Variants in STK32B observed in about 807,000 individuals in gnomAD.
STK32B encodes serine/threonine kinase 32B, also known as serine/threonine-protein kinase 32B.
STK32B carries 43 observed loss-of-function variants against 52.6 expected under a neutral mutation model. The observed-to-expected ratio is 0.82, with a 90% CI of 0.64 to 1.05. STK32B has a LOEUF of 1.05. Among genes scored for constraint, STK32B ranks in the 50% least tolerant of loss-of-function variants. The probability of loss-of-function intolerance (pLI) is 0.00; values close to 1 mark genes in which losing one functional copy is unlikely to be tolerated. For missense variants in STK32B, 621 were observed against 534.6 expected (o/e 1.16, Z -1.59); for synonymous variants, 238 against 204.3 (o/e 1.17, Z -1.41).
intron 11 of STK32B, among the ~76,000 whole-genome samples, chr4:5,485,083 C>T (rs1470249841): frequency 3.3e-5 from 5 of 151,948 alleles, no homozygotes; most frequent in South Asian, 2.1e-4. Flanking sequence ...TTGCTCTTCT[C>T]GTGGAGTATC....
At chr4:5,065,267 G>A (rs527733322) in intron 1 of STK32B, among the ~76,000 whole-genome samples, 1 of 152,164 alleles carries the variant, frequency 6.6e-6, no homozygotes, top group African/African-American at 2.4e-5. Flanking sequence ...GAGGACTCTA[G>A]GAGGTATAGA....
At chr4:5,332,537 G>C (rs1732335918) in intron 4 of STK32B, among the ~76,000 whole-genome samples, 1 of 151,928 alleles carries the variant, frequency 6.6e-6, no homozygotes, top group African/African-American at 2.4e-5. Flanking sequence ...GGGTACATTT[G>C]CACAATGTGC....
intron 1 of STK32B, among the ~76,000 whole-genome samples, chr4:5,052,510 A>C (rs1290702967): frequency 6.6e-6 from 1 of 152,094 alleles, no homozygotes; most frequent in Non-Finnish European, 1.5e-5. Context: ...GTCCAACCGC[A>C]TCTCAACTTC....
At chr4:5,315,759 C>A (rs1194755419) in intron 3 of STK32B, among the ~76,000 whole-genome samples, 1 of 149,880 alleles carries the variant, frequency 6.7e-6, no homozygotes, top group Non-Finnish European at 1.5e-5. Flanking sequence ...GGCTGGAGTG[C>A]AGTGGTGCAA....
chr4:5,372,555 C>T (rs1735314750), intron 4 of STK32B, among the ~76,000 whole-genome samples: 1 of 152,144 alleles, frequency 6.6e-6, no homozygotes, highest in Non-Finnish European at 1.5e-5. Flanking sequence ...TTTCATCATA[C>T]ACTAGACCAA....
intron 6 of STK32B, among the ~76,000 whole-genome samples, chr4:5,425,636 A>C (rs757989688): frequency 6.6e-6 from 1 of 152,182 alleles, no homozygotes; most frequent in Non-Finnish European, 1.5e-5. Flanking sequence ...ATAAATATGG[A>C]GTTTGAGATG....
intron 1 of STK32B, among the ~76,000 whole-genome samples, chr4:5,108,764 A>G (rs1714242686): frequency 6.6e-6 from 1 of 152,172 alleles, no homozygotes; most frequent in African/African-American, 2.4e-5. Flanking sequence ...GAAAACCTGA[A>G]ATCTGCCGAT....
chr4:5,376,342 A>G (rs1212138973), intron 4 of STK32B, among the ~76,000 whole-genome samples: 1 of 152,140 alleles, frequency 6.6e-6, no homozygotes, highest in African/African-American at 2.4e-5. Flanking sequence ...GCAGGTGCTC[A>G]GATAGCACTG....
At chr4:5,055,482 T>G (rs6829232) in intron 1 of STK32B, among the ~76,000 whole-genome samples, 109,639 of 151,894 alleles carry the variant, frequency 0.72, 39,958 homozygotes, top group Non-Finnish European at 0.78. Flanking sequence ...CAATGCAGCA[T>G]CCAGAGTGAT....
chr4:5,375,577 A>T (rs1177056599), intron 4 of STK32B, among the ~76,000 whole-genome samples: 2 of 152,016 alleles, frequency 1.3e-5, no homozygotes, highest in Non-Finnish European at 2.9e-5. Context: ...CTTCTTTTTC[A>T]TCACATCTTC....
intron 3 of STK32B, among the ~76,000 whole-genome samples, chr4:5,177,734 G>C (rs1176623247): frequency 6.6e-6 from 1 of 152,172 alleles, no homozygotes; most frequent in African/African-American, 2.4e-5. Context: ...GCCAAAACAG[G>C]GGGGCTACAT....
intron 3 of STK32B, among the ~76,000 whole-genome samples, chr4:5,313,561 A>T (rs1015032901): frequency 1.3e-5 from 2 of 152,154 alleles, no homozygotes; most frequent in African/African-American, 4.8e-5. Context: ...GAGAAAATAG[A>T]ACTGTCTCTA....
intron 3 of STK32B, among the ~76,000 whole-genome samples, chr4:5,281,480 A>G (rs1728195180): frequency 6.6e-6 from 1 of 152,112 alleles, no homozygotes. Flanking sequence ...TAGGACAAAT[A>G]CCTAATGCGT....
intron 2 of STK32B, among the ~76,000 whole-genome samples, chr4:5,159,266 T>G (rs1270823353): frequency 6.6e-6 from 1 of 151,980 alleles, no homozygotes; most frequent in Admixed American, 6.6e-5. Flanking sequence ...ACAAGCTGTT[T>G]GAGCTTTGTG....
At chr4:5,405,718 A>G (rs1175984936) in intron 5 of STK32B, among the ~76,000 whole-genome samples, 2 of 152,160 alleles carry the variant, frequency 1.3e-5, no homozygotes, top group South Asian at 2.1e-4. Flanking sequence ...AAACAACAAG[A>G]TCTTGTGATA....
At chr4:5,456,664 C>G in intron 7 of STK32B, 143 bp from the exon 8 acceptor site, 2 of 752,446 alleles carry the variant, frequency 2.7e-6, no homozygotes, top group Non-Finnish European at 4.1e-6. Flanking sequence ...GTTCGGGCCA[C>G]CTGCTCTGCC....
At chr4:5,353,694 A>G (rs1733991592) in intron 4 of STK32B, among the ~76,000 whole-genome samples, 1 of 152,238 alleles carries the variant, frequency 6.6e-6, no homozygotes. Context: ...AGAAGATATT[A>G]TCTTACCCCA....
intron 11 of STK32B, 40 bp from the exon 12 acceptor site, chr4:5,498,905 C>G (rs1290931759): frequency 1.9e-6 from 3 of 1,579,054 alleles, no homozygotes; most frequent in South Asian, 1.2e-5. Flanking sequence ...CTCCACAACC[C>G]CATGCCGCAC....
chr4:5,080,397 TG>T (rs1712344880), intron 1 of STK32B, among the ~76,000 whole-genome samples: 2 of 152,224 alleles, frequency 1.3e-5, no homozygotes, highest in Admixed American at 1.3e-4. Flanking sequence ...TTGCACTTGC[TG>T]CTCCTCCACC....
Sources: allele counts gnomAD v4.1 joint callset (sites outside exome capture counted in the v4.1 genomes callset), GRCh38; gene constraint gnomAD v4.1.1; transcripts MANE v1.5; gene names NCBI Gene and HGNC (gene_info 2026-07-23, HGNC 2026-07-21).